SYNDIG1L: variants seen among roughly 807,000 people sequenced by gnomAD.
SYNDIG1L encodes the protein synapse differentiation-inducing gene protein 1-like.
A neutral mutation model predicts 20.1 loss-of-function variants in SYNDIG1L; 13 were observed. The ratio of observed to expected loss-of-function variants is 0.65; its 90% confidence interval spans 0.42 to 1.03. The LOEUF (loss-of-function observed/expected upper bound fraction) is 1.03, where lower values mean the gene tolerates loss of function less well. Among genes scored for constraint, SYNDIG1L ranks in the 50% least tolerant of loss-of-function variants. The probability of loss-of-function intolerance (pLI) is 0.00; values close to 1 mark genes in which losing one functional copy is unlikely to be tolerated. For synonymous variants in SYNDIG1L, 128 were observed against 129.3 expected, an observed-to-expected ratio of 0.99 and a Z score of 0.07; for missense variants, 294 against 305.1, an observed-to-expected ratio of 0.96 and a Z score of 0.27.
the SYNDIG1L span, among the ~76,000 whole-genome samples, chr14:74,451,856 G>C: frequency 1.6e-4 from 24 of 151,998 alleles, no homozygotes; most frequent in African/African-American, 5.5e-4. Context: ...TGGGTGTGGT[G>C]GCACGCGTCT....
At chr14:74,478,212 G>A in the SYNDIG1L span, among the ~76,000 whole-genome samples, 5 of 151,968 alleles carry the variant, frequency 3.3e-5, no homozygotes, top group East Asian at 7.7e-4. Context: ...TTTTAATACC[G>A]CAGATATAAT....
intron 1 of SYNDIG1L, among the ~76,000 whole-genome samples, chr14:74,415,697 G>A (rs1267730856): frequency 2.0e-5 from 3 of 151,908 alleles, no homozygotes; most frequent in Non-Finnish European, 2.9e-5. Flanking sequence ...GTACCACCAC[G>A]CCCAGCTATT....
At chr14:74,429,562 C>G (rs148282607), upstream of SYNDIG1L, among the ~76,000 whole-genome samples, 551 of 152,358 alleles carry the variant, frequency 3.6e-3, 4 homozygotes, top group African/African-American at 0.012. Flanking sequence ...CTTAAGAGGA[C>G]AGGTGAGCCC....
intron 3 of SYNDIG1L, 66 bp downstream of exon 3, chr14:74,407,783 C>T (rs1215271205): frequency 7.6e-6 from 12 of 1,577,570 alleles, no homozygotes; most frequent in Middle Eastern, 1.7e-4. Flanking sequence ...ATCCTGCAGA[C>T]GGGATGCCAA....
chr14:74,434,560 G>A, the SYNDIG1L span, among the ~76,000 whole-genome samples: 1 of 152,042 alleles, frequency 6.6e-6, no homozygotes, highest in Admixed American at 6.5e-5. Flanking sequence ...GGGGAGGAAA[G>A]GGGAAGAGAT....
At chr14:74,427,244 G>T (rs572318454), upstream of SYNDIG1L, among the ~76,000 whole-genome samples, 1 of 151,790 alleles carries the variant, frequency 6.6e-6, no homozygotes, top group Non-Finnish European at 1.5e-5. Context: ...GGAGGAGAGA[G>T]TATTCTCATT....
chr14:74,453,203 C>A, the SYNDIG1L span, among the ~76,000 whole-genome samples: 343 of 151,438 alleles, frequency 2.3e-3, no homozygotes, highest in Non-Finnish European at 2.5e-3. Flanking sequence ...AAAAATTAGC[C>A]AGGCGTGGTG....
chr14:74,444,760 A>C, the SYNDIG1L span, among the ~76,000 whole-genome samples: 1 of 152,166 alleles, frequency 6.6e-6, no homozygotes, highest in African/African-American at 2.4e-5. Flanking sequence ...GTCTCAAAAA[A>C]ACAAAACAAA....
chr14:74,406,019 A>G lies in SYNDIG1L; in HGVS notation c.*1516T>C, dbSNP rs1225630443. ...GCAGGGGAGGACAGTGGGACAAGGGATGCTCAGTGGTGGAGCCACAGCCCT... is the reference window on the plus strand; with the variant it reads ...GCAGGGGAGGACAGTGGGACAAGGGGTGCTCAGTGGTGGAGCCACAGCCCT... On this transcript the variant is annotated 3_prime_UTR_variant, in exon 4 of 4. Transcript: ENST00000331628. 1.3e-5 allele frequency: 5 copies of G among 398,772 alleles called. No homozygotes were observed. Among genetic ancestry groups the G allele is most frequent in the Non-Finnish European group, 2.2e-5 (5 of 226,302 alleles). 24.7% of individuals were successfully genotyped at this position (398,772 alleles called of 1,614,324 possible). A position where few individuals can be genotyped will look rare whatever the true frequency, so the allele number is the denominator to read the frequency against.
At chr14:74,456,179 C>T in the SYNDIG1L span, among the ~76,000 whole-genome samples, 4 of 152,158 alleles carry the variant, frequency 2.6e-5, no homozygotes, top group Non-Finnish European at 4.4e-5. Context: ...ATGGTCTCAT[C>T]CCCTCTCTGG....
intron 1 of SYNDIG1L, among the ~76,000 whole-genome samples, chr14:74,422,301 C>T (rs965210271): frequency 1.4e-4 from 22 of 152,032 alleles, no homozygotes; most frequent in Non-Finnish European, 2.8e-4. Context: ...TTGACATAAA[C>T]GGCGGGGGTG....
chr14:74,429,040 A>T (rs901098711), upstream of SYNDIG1L, among the ~76,000 whole-genome samples: 7 of 152,108 alleles, frequency 4.6e-5, no homozygotes, highest in Admixed American at 1.3e-4. Flanking sequence ...CTCTTTTTTT[A>T]AAATTTTATT....
chr14:74,477,118 AACACACACACACAC>A, the SYNDIG1L span, among the ~76,000 whole-genome samples: 5 of 83,148 alleles, frequency 6.0e-5, no homozygotes, highest in African/African-American at 2.1e-4. Flanking sequence ...CCCCATTCCC[AACACACACACACAC>A]ACACACACAC....
chr14:74,450,259 T>G, the SYNDIG1L span, among the ~76,000 whole-genome samples: 1 of 152,148 alleles, frequency 6.6e-6, no homozygotes, highest in African/African-American at 2.4e-5. Flanking sequence ...CAGGCCCAGA[T>G]GGCTTCTCTG....
intron 3 of SYNDIG1L, 29 bp from the exon 4 acceptor site, chr14:74,407,722 G>A: frequency 6.3e-7 from 1 of 1,584,560 alleles, no homozygotes; most frequent in South Asian, 1.2e-5. Flanking sequence ...TGATGAACAG[G>A]AGTGTCCCCA....
the SYNDIG1L span, among the ~76,000 whole-genome samples, chr14:74,462,309 C>T: frequency 2.6e-5 from 4 of 151,504 alleles, no homozygotes; most frequent in African/African-American, 9.7e-5. Context: ...CATAGTGAAA[C>T]TCCGTCTGTA....
chr14:74,478,724 A>T, the SYNDIG1L span, among the ~76,000 whole-genome samples: 1 of 152,236 alleles, frequency 6.6e-6, no homozygotes, highest in Non-Finnish European at 1.5e-5. Flanking sequence ...AGGAGACATC[A>T]TCAAATCTCA....
At chr14:74,440,221 T>C in the SYNDIG1L span, among the ~76,000 whole-genome samples, 1 of 146,000 alleles carries the variant, frequency 6.8e-6, no homozygotes, top group African/African-American at 2.6e-5. Flanking sequence ...CTACTAAAAA[T>C]ACAAAAAATT....
At chr14:74,425,546 T>C (rs539853484) in intron 1 of SYNDIG1L, among the ~76,000 whole-genome samples, 14 of 152,300 alleles carry the variant, frequency 9.2e-5, no homozygotes, top group African/African-American at 3.4e-4. Context: ...TAGTGAAGCC[T>C]GCTCAGATTT....
Sources: gnomAD v4.1 joint callset for allele counts (sites outside exome capture counted in the v4.1 genomes callset) on GRCh38, gnomAD v4.1.1 for gene constraint, MANE v1.5 for transcripts, NCBI Gene and HGNC (gene_info 2026-07-23, HGNC 2026-07-21) for gene names.